Variants in EIF4A2 observed in about 807,000 individuals in gnomAD.
EIF4A2 encodes the protein eukaryotic initiation factor 4A-II.
A neutral mutation model predicts 50.6 loss-of-function variants in EIF4A2; 9 were observed. That is an observed-to-expected ratio of 0.18 (90% CI 0.11 to 0.31). The LOEUF is 0.31. EIF4A2 is among the 10% of genes least tolerant of loss of function. The pLI, the probability that EIF4A2 is intolerant of heterozygous loss-of-function variation, is 1.00. For synonymous variants in EIF4A2, 215 were observed against 164.4 expected, an observed-to-expected ratio of 1.31 and a Z score of -2.35; for missense variants, 182 against 501.8, an observed-to-expected ratio of 0.36 and a Z score of 6.09.
Position 186,787,601 on chromosome 3 carries a change from T to C in EIF4A2, c.999+17T>C. ...GACTTGTTGGTAAGTCTCTTAATGC[T>C]TTTTAAAAATCTACCAAAAGTTAGC... is the stretch of plus-strand genomic sequence containing the variant. On this transcript the variant is annotated intron_variant, in intron 9 of 10. Coordinates refer to ENST00000323963, the MANE Select transcript of EIF4A2 (RefSeq NM_001967.4). 1.2e-6 allele frequency: 2 copies of C among 1,613,864 alleles called. No homozygotes were observed. The highest frequency in any genetic ancestry group is 1.7e-6 in the Non-Finnish European group (2 of 1,179,826).
rs201948346 is a variant in EIF4A2, at chr3:186,783,625, C to G, written c.15C>G (p.Ser5=). The G allele has an allele frequency of 1.2e-6, 2 of 1,613,988 alleles. No homozygotes were observed. The change falls in exon 1 of 11, where the codon TCC becomes TCG. Residue 5 remains serine, a synonymous_variant. Transcript: ENST00000323963. Reference sequence around the variant, plus strand: ...TTTTTCGGATCATGTCTGGTGGCTCCGCGGATTATAACAGGTATGCAGTCT... The same window carrying G: ...TTTTTCGGATCATGTCTGGTGGCTCGGCGGATTATAACAGGTATGCAGTCT... The part of the protein sequence containing the change: MSGG[S]ADYNREHGGP...
chr3:186,786,694 G>T (rs376591367), intron 7 of EIF4A2, 49 bp downstream of exon 7: 18 of 1,610,480 alleles, frequency 1.1e-5, no homozygotes, highest in Middle Eastern at 1.6e-4. Flanking sequence ...TATAAGCACT[G>T]TGCTAAAATT....
intron 7 of EIF4A2, 131 bp downstream of exon 7, chr3:186,786,776 C>A: frequency 1.6e-6 from 2 of 1,273,920 alleles, no homozygotes; most frequent in Admixed American, 1.7e-5. Context: ...AAAGTAACAG[C>A]ACTAGATTGT....
At position 186,786,530 on chromosome 3, in the gene EIF4A2, C is replaced by G. The variant is rs750332310; in HGVS notation, c.656C>G (p.Thr219Ser). The change falls in exon 7 of 11, where the codon ACT becomes AGT. Residue 219 changes from threonine (T) to serine (S), a missense_variant. By Grantham distance (58) the Thr-to-Ser change is moderately conservative. Around this residue, in one of 7 missense-constraint regions of EIF4A2, gnomAD observed 113 missense variants for 357.3 expected, o/e 0.32. Coordinates refer to ENST00000323963, the MANE Select transcript of EIF4A2 (RefSeq NM_001967.4). The stretch of plus-strand genomic sequence containing the variant: ...GTGTTGCTTTCTGCCACAATGCCAA[C>G]TGATGTGTTGGAAGTGACCAAAAAA... ...QVVLLSATMPTDVLEVTKKFM... is the reference protein window; with the variant it reads ...QVVLLSATMPSDVLEVTKKFM... 1 of 1,612,676 alleles carries G rather than the reference C, an allele frequency of 6.2e-7. No homozygotes were observed. Among genetic ancestry groups the G allele is most frequent in the East Asian group, 2.2e-5 (1 of 44,872 alleles).
At position 186,783,592 on chromosome 3, in the gene EIF4A2, C is replaced by G. The variant is rs78779088; in HGVS notation, c.-19C>G. On this transcript the variant is annotated 5_prime_UTR_variant, in exon 1 of 11. Coordinates refer to ENST00000323963, the MANE Select transcript of EIF4A2 (RefSeq NM_001967.4). ...GCGCCGCTGTCTTTTCAGTCGGGCG[C>G]TGAGTGGTTTTTCGGATCATGTCTG... The G allele has an allele frequency of 1.9e-4, 307 of 1,614,110 alleles. No homozygotes were observed. In the East Asian group the frequency reaches 5.3e-3, roughly 28 times the overall value.
intron 10 of EIF4A2, chr3:186,788,201 C>T (rs896501894): frequency 2.1e-6 from 2 of 963,914 alleles, no homozygotes; most frequent in African/African-American, 3.4e-5. Context: ...TTGGTGTCGC[C>T]TGGTAGCAAT....
intron 10 of EIF4A2, chr3:186,788,495 T>C (rs1410681819): frequency 1.7e-6 from 2 of 1,148,214 alleles, no homozygotes; most frequent in Non-Finnish European, 2.2e-6. Flanking sequence ...TTTTTTGTAT[T>C]AGTATTTCTA....
chr3:186,787,284 G>A lies in EIF4A2; in HGVS notation c.909+20G>A. 6.2e-7 allele frequency: 1 copy of A among 1,614,078 alleles called. No individual in the cohort carries two copies. The highest frequency in any genetic ancestry group is 8.5e-7 in the Non-Finnish European group (1 of 1,179,952). ...GCTCTGGTAAGAGGTGTTCTAAAATGTCTGGATTTCCACTAAAGCAGGATT... is the reference window on the plus strand; with the variant it reads ...GCTCTGGTAAGAGGTGTTCTAAAATATCTGGATTTCCACTAAAGCAGGATT... On this transcript the variant is annotated intron_variant, in intron 8 of 10. Transcript: ENST00000323963.
intron 6 of EIF4A2, 55 bp from the exon 7 acceptor site, chr3:186,786,447 T>G: frequency 1.9e-6 from 3 of 1,590,438 alleles, no homozygotes; most frequent in Non-Finnish European, 2.6e-6. Context: ...TTCAGACATT[T>G]TCCTTTGGGT....
intron 4 of EIF4A2, chr3:186,785,342 T>C (rs568003079): frequency 2.5e-5 from 13 of 529,150 alleles, no homozygotes; most frequent in African/African-American, 2.3e-4. Context: ...ACTAGATCTG[T>C]CCCCATTTTT....
intron 10 of EIF4A2, 117 bp from the exon 11 acceptor site, chr3:186,789,008 A>C: frequency 7.1e-7 from 1 of 1,417,100 alleles, no homozygotes; most frequent in Non-Finnish European, 9.4e-7. Context: ...TCCAGTTAGA[A>C]GCACGAACTA....
chr3:186,784,764 T>C, intron 3 of EIF4A2, 68 bp downstream of exon 3: 1 of 1,608,670 alleles, frequency 6.2e-7, no homozygotes, highest in South Asian at 1.1e-5. Flanking sequence ...GAAAGTAACC[T>C]CTGGGGGACT....
At chr3:186,786,117 A>T in intron 5 of EIF4A2, 47 bp from the exon 6 acceptor site, 1 of 1,602,588 alleles carries the variant, frequency 6.2e-7, no homozygotes, top group Non-Finnish European at 8.5e-7. Flanking sequence ...GTCAAATTGT[A>T]TCACTGAGTA....
chr3:186,786,620 A>C lies in EIF4A2; in HGVS notation c.746A>C (p.Gln249Pro). Residue 249 changes from glutamine (Q) to proline (P), a missense_variant, in exon 7 of 11, where the codon CAG (glutamine) becomes CCG (proline). By Grantham distance (76) the Gln-to-Pro change is moderately conservative. Transcript: ENST00000323963. ...KEELTLEGIK[Q>P]FYINVEREEW... is the part of the protein sequence containing the mutation. ...GAATTGACCCTTGAAGGAATCAAAC[A>C]GTTTTATATTAATGTTGAGAGAGAG... 1 of 1,614,018 alleles carries C rather than the reference A, an allele frequency of 6.2e-7. No individual in the cohort carries two copies. Among genetic ancestry groups the C allele is most frequent in the Non-Finnish European group, 8.5e-7 (1 of 1,179,942 alleles).
At position 186,783,577 on chromosome 3, in the gene EIF4A2, C is replaced by A. The variant is rs368938056; in HGVS notation, c.-34C>A. The A allele has an allele frequency of 6.2e-7, 1 of 1,614,156 alleles. No individual in the cohort carries two copies. The highest frequency in any genetic ancestry group is 2.2e-5 in the East Asian group (1 of 44,884). On this transcript the variant is annotated 5_prime_UTR_variant, in exon 1 of 11. Transcript: ENST00000323963. ...AAAACGGGTGGTTGGGCGCCGCTGTCTTTTCAGTCGGGCGCTGAGTGGTTT... is the reference window on the plus strand; with the variant it reads ...AAAACGGGTGGTTGGGCGCCGCTGTATTTTCAGTCGGGCGCTGAGTGGTTT...
intron 7 of EIF4A2, chr3:186,786,848 T>A (rs1351719726): frequency 1.1e-6 from 1 of 893,586 alleles, no homozygotes; most frequent in Non-Finnish European, 1.9e-6. Context: ...TTTGGTGCAA[T>A]ATCTCATTAG....
rs762227302 is a variant in EIF4A2, at chr3:186,784,948, CCTA to C, written c.209-11_209-9del. 12 of 1,613,902 alleles carry C rather than the reference CCTA, an allele frequency of 7.4e-6. No homozygotes were observed. In the African/African-American group the frequency reaches 1.1e-4, roughly 14 times the overall value. ...TGATGTGGGATCGGTAAATGTGTAT[CCTA>C]CTTTTTTTAGGGTATGATGTGATTG... On this transcript the variant is annotated splice_polypyrimidine_tract_variant and intron_variant, in intron 3 of 10. Transcript: ENST00000323963.
At chr3:186,787,042 G>A in intron 7 of EIF4A2, 85 bp from the exon 8 acceptor site, 1 of 1,533,162 alleles carries the variant, frequency 6.5e-7, no homozygotes, top group South Asian at 1.3e-5. Context: ...ACAGGCATTA[G>A]CACTGTGGCT....
Position 186,789,302 on chromosome 3 carries a change from G to C in EIF4A2, c.*33G>C. The C allele has an allele frequency of 6.3e-7, 1 of 1,584,178 alleles. No individual in the cohort carries two copies. Among genetic ancestry groups the C allele is most frequent in the Non-Finnish European group, 8.6e-7 (1 of 1,165,734 alleles). On this transcript the variant is annotated 3_prime_UTR_variant, in exon 11 of 11. Transcript: ENST00000323963. ...GATGAGAGTTTTGGATGCAGTGCTC[G>C]CTGTTGCTGAATAGGCGATCACAAC...
Sources: gnomAD v4.1 joint callset for allele counts on GRCh38, gnomAD v4.1.1 for gene constraint, gnomAD v4.1.1 regional missense constraint, MANE v1.5 for transcripts, NCBI Gene and HGNC (gene_info 2026-07-23, HGNC 2026-07-21) for gene names.